PLVAP: variants seen among roughly 807,000 people sequenced by gnomAD.
PLVAP encodes plasmalemma vesicle associated protein.
Under a neutral mutation model 43.1 loss-of-function variants are expected in PLVAP, and 34 were observed. The ratio of observed to expected loss-of-function variants is 0.79; its 90% confidence interval spans 0.60 to 1.05. The LOEUF is 1.05. Ranked by LOEUF, PLVAP falls within the 50% of genes least tolerant of loss-of-function variation. The pLI is 0.00. For synonymous variants in PLVAP, 241 were observed against 237.3 expected (o/e 1.02, Z -0.14); for missense variants, 574 against 593.4 (o/e 0.97, Z 0.34).
At chr19:17,367,169 T>C (rs1467309677) in intron 1 of PLVAP, among the ~76,000 whole-genome samples, 1 of 151,832 alleles carries the variant, frequency 6.6e-6, no homozygotes, top group Non-Finnish European at 1.5e-5. Flanking sequence ...GGTCTTGAAC[T>C]CCTGAGCTCA....
At chr19:17,359,428 AC>A (rs2074519042) in intron 5 of PLVAP, among the ~76,000 whole-genome samples, 1 of 143,902 alleles carries the variant, frequency 6.9e-6, no homozygotes, top group Admixed American at 7.0e-5. Flanking sequence ...TTTTTTTGAG[AC>A]AGAGTCTTGC....
chr19:17,371,903 CT>C (rs2024591834), intron 1 of PLVAP, among the ~76,000 whole-genome samples: 1 of 152,056 alleles, frequency 6.6e-6, no homozygotes, highest in Non-Finnish European at 1.5e-5. Context: ...GAGAGTTTGT[CT>C]TTCTGCAACT....
intron 1 of PLVAP, among the ~76,000 whole-genome samples, chr19:17,374,815 TATGTATG>T (rs2074588225): frequency 1.4e-5 from 2 of 141,360 alleles, no homozygotes; most frequent in African/African-American, 5.1e-5. Context: ...TGTATGTATG[TATGTATG>T]TATGTATTTA....
Position 17,365,974 on chromosome 19 carries a change from T to C in PLVAP, c.491A>G (p.Lys164Arg). ...CDALLFMLNQ[K>R]VKTLEVEIAK... is the part of the protein sequence containing the mutation. ...TATCTCCACCTCCAGCGTCTTCACCTTCTGATTCAGCATGAAGAGCAAGGC... is the reference window on the plus strand; with the variant it reads ...TATCTCCACCTCCAGCGTCTTCACCCTCTGATTCAGCATGAAGAGCAAGGC... The change falls in exon 3 of 6, where the codon AAG becomes AGG. Residue 164 changes from lysine to arginine, a missense_variant. Transcript: ENST00000252590. 1 of 1,613,524 alleles carries C rather than the reference T, an allele frequency of 6.2e-7. No individual in the cohort carries two copies. Among genetic ancestry groups the C allele is most frequent in the South Asian group, 1.1e-5 (1 of 91,068 alleles).
At chr19:17,374,626 T>G (rs2074587376) in intron 1 of PLVAP, among the ~76,000 whole-genome samples, 1 of 150,870 alleles carries the variant, frequency 6.6e-6, no homozygotes, top group Non-Finnish European at 1.5e-5. Flanking sequence ...GTCCATCCTT[T>G]TTTTGTTTTT....
chr19:17,359,794 G>A (rs1238459929), intron 5 of PLVAP, among the ~76,000 whole-genome samples: 1 of 148,862 alleles, frequency 6.7e-6, no homozygotes, highest in Non-Finnish European at 1.5e-5. Flanking sequence ...CCAGGTTCAA[G>A]CAATTCTCCT....
chr19:17,353,109 G>A (rs1044603226), intron 5 of PLVAP, among the ~76,000 whole-genome samples: 1 of 152,214 alleles, frequency 6.6e-6, no homozygotes, highest in Non-Finnish European at 1.5e-5. Context: ...TTCCTGCTGG[G>A]GGAGGAGGGG....
chr19:17,372,557 T>C (rs146172654), intron 1 of PLVAP, among the ~76,000 whole-genome samples: 50,799 of 148,404 alleles, frequency 0.34, 8,738 homozygotes, highest in African/African-American at 0.38. Context: ...CCCGGGTTCA[T>C]GCCATTCTCC....
chr19:17,370,133 C>A (rs987853070), intron 1 of PLVAP, among the ~76,000 whole-genome samples: 19 of 151,960 alleles, frequency 1.3e-4, no homozygotes, highest in African/African-American at 4.6e-4. Context: ...CATAAACCCC[C>A]AAAATGAACA....
intron 5 of PLVAP, among the ~76,000 whole-genome samples, chr19:17,352,761 C>T (rs2074491418): frequency 6.6e-6 from 1 of 152,168 alleles, no homozygotes; most frequent in Admixed American, 6.5e-5. Flanking sequence ...TCTGCTCCCC[C>T]AGACCCCTAC....
At position 17,367,651 on chromosome 19, in the gene PLVAP, A is replaced by G. The variant is rs577966085; in HGVS notation, c.370-1456T>C. Reference sequence around the variant, plus strand: ...TGATCCGCCTATCTCGGCCTCCCAAAGTGCTGGGATTACAGGCGTGAGCCA... The same window carrying G: ...TGATCCGCCTATCTCGGCCTCCCAAGGTGCTGGGATTACAGGCGTGAGCCA... On this transcript the variant is annotated intron_variant, in intron 1 of 5. Transcript: ENST00000252590. Among the ~76,000 whole-genome samples the G allele has an allele frequency of 3.9e-5, 6 of 152,210 alleles. No homozygotes were observed. The South Asian group carries it at 1.2e-3, about 32-fold the overall frequency.
At chr19:17,352,418 G>A (rs777987047) in intron 5 of PLVAP, 50 bp from the exon 6 acceptor site, 1 of 1,595,756 alleles carries the variant, frequency 6.3e-7, no homozygotes, top group East Asian at 2.2e-5. Context: ...ACAGAGGGAA[G>A]GGCAAACCTC....
intron 1 of PLVAP, among the ~76,000 whole-genome samples, chr19:17,375,251 G>A (rs914595762): frequency 6.6e-6 from 1 of 152,032 alleles, no homozygotes; most frequent in African/African-American, 2.4e-5. Context: ...AGCTACTGTA[G>A]CCGGTCTTCA....
Position 17,361,043 on chromosome 19 carries a change from T to TA in PLVAP, c.1180-212dup. 7.6e-6 allele frequency: 4 copies of TA among 528,194 alleles called. No homozygotes were observed. The East Asian group carries it at 1.3e-4, about 17-fold the overall frequency. 32.7% of individuals were successfully genotyped at this position (528,194 alleles called of 1,614,324 possible). On this transcript the variant is annotated intron_variant, in intron 3 of 5. Transcript: ENST00000252590. The stretch of plus-strand genomic sequence containing the variant: ...GATTCTCCTGCCTAAGCCTCCTGGG[T>TA]AGCTGGGACTACAGTCACACACCAC...
intron 1 of PLVAP, among the ~76,000 whole-genome samples, chr19:17,374,991 T>G (rs10420864): frequency 0.017 from 2,580 of 152,098 alleles, 68 homozygotes; most frequent in African/African-American, 0.06. Flanking sequence ...GCTAATAATT[T>G]TTGTATTTTT....
Position 17,365,636 on chromosome 19 carries a change from T to C in PLVAP, c.829A>G (p.Ser277Gly), listed in dbSNP as rs1465411003. 2 of 1,613,504 alleles carry C rather than the reference T, an allele frequency of 1.2e-6. No homozygotes were observed. The highest frequency in any genetic ancestry group is 1.3e-5 in the African/African-American group (1 of 74,954). The change falls in exon 3 of 6, where the codon AGC (serine) becomes GGC (glycine). Residue 277 changes from serine (S) to glycine (G), a missense_variant. Ser to Gly is a moderately conservative substitution (Grantham distance 56). Coordinates refer to ENST00000252590, the MANE Select transcript of PLVAP (RefSeq NM_031310.3). ...TCCTCCACCTTGGAGCTCATGAGGC[T>C]GGGCATGTGGTCGCAGGCTCTGCGG... ...SIRRACDHMP[S>G]LMSSKVEELA... is the part of the protein sequence containing the mutation.
intron 1 of PLVAP, 58 bp downstream of exon 1, chr19:17,376,862 G>T: frequency 6.6e-7 from 1 of 1,505,674 alleles, no homozygotes; most frequent in South Asian, 1.2e-5. Flanking sequence ...CTCAGGCTCA[G>T]AGAGGTGAGG....
At chr19:17,363,279 T>C (rs2074535250) in intron 3 of PLVAP, among the ~76,000 whole-genome samples, 1 of 152,078 alleles carries the variant, frequency 6.6e-6, no homozygotes, top group Non-Finnish European at 1.5e-5. Flanking sequence ...TTCTCATGCC[T>C]CAGCCTCCCA....
intron 1 of PLVAP, among the ~76,000 whole-genome samples, chr19:17,368,921 T>C (rs1415246092): frequency 1.3e-5 from 2 of 152,086 alleles, no homozygotes; most frequent in African/African-American, 4.8e-5. Context: ...GAGGTTGCAG[T>C]GAGCCGAGAT....
Sources: gnomAD v4.1 joint callset for allele counts (sites outside exome capture counted in the v4.1 genomes callset) on GRCh38, gnomAD v4.1.1 for gene constraint, MANE v1.5 for transcripts, NCBI Gene and HGNC (gene_info 2026-07-23, HGNC 2026-07-21) for gene names.